ALDH3A2: variants seen among roughly 807,000 people sequenced by gnomAD.
ALDH3A2 encodes the protein aldehyde dehydrogenase family 3 member A2.
In ALDH3A2, 36 loss-of-function variants were observed where a neutral mutation model predicts 51.3. That is an observed-to-expected ratio of 0.70 (90% CI 0.54 to 0.93). ALDH3A2 has a LOEUF of 0.93. Ranked by LOEUF, ALDH3A2 falls within the 40% of genes least tolerant of loss-of-function variation. ALDH3A2 has a pLI of 0.00. For synonymous variants in ALDH3A2, 199 were observed against 219.8 expected (o/e 0.91, Z 0.84); for missense variants, 552 against 603.1 (o/e 0.92, Z 0.89).
At position 19,671,757 on chromosome 17, in the gene ALDH3A2, GT is replaced by G. The variant is rs2085116401; in HGVS notation, c.1248del (p.Phe416LeufsTer12). ...ATGGGAGCTTATCACGGAAAACATA[GT>G]TTTGATACTTTTTCTCATCAGCGTC... ...SGMGAYHGKHSFDTFSHQRPC... is the reference protein window; with the variant it reads ...SGMGAYHGKHXFDTFSHQRPC... On this transcript the variant is annotated frameshift_variant, in exon 9 of 10. Transcript: ENST00000176643. LOFTEE classifies it high-confidence loss of function. 6.2e-7 allele frequency: 1 copy of G among 1,614,038 alleles called. No homozygotes were observed. Among genetic ancestry groups the G allele is most frequent in the Non-Finnish European group, 8.5e-7 (1 of 1,180,028 alleles).
At chr17:19,648,258 C>T (rs1567594821), upstream of ALDH3A2, 1 of 152,428 alleles carries the variant, frequency 6.6e-6, no homozygotes, top group East Asian at 1.9e-4. Context: ...CTCCAGGGAA[C>T]TGGGACGGTC....
At position 19,663,335 on chromosome 17, in the gene ALDH3A2, C is replaced by G. The variant is rs72547571; in HGVS notation, c.943C>G (p.Pro315Ala). 14 of 1,613,726 alleles carry G rather than the reference C, an allele frequency of 8.7e-6. No homozygotes were observed. In the Middle Eastern group the frequency reaches 1.2e-3, roughly 133 times the overall value. Residue 315 changes from proline to alanine, a missense_variant and splice_region_variant, in exon 7 of 10, where the codon CCA becomes GCA. Physicochemically the swap from Pro to Ala is conservative, Grantham distance 27. Transcript: ENST00000176643. ...CATTTTGTTTATTTTCTTTTTAGCC[C>G]CAACAGTACTTACCGATGTTGATCC... ...ETDEATRYIA[P>A]TVLTDVDPKT...
chr17:19,666,820 TAATAA>T (rs956537743), intron 8 of ALDH3A2, among the ~76,000 whole-genome samples: 27 of 148,054 alleles, frequency 1.8e-4, no homozygotes, highest in Non-Finnish European at 2.8e-4. Flanking sequence ...TAAATAAAAA[TAATAA>T]AATAAAACAA....
At chr17:19,662,448 C>T (rs2084978269) in intron 6 of ALDH3A2, among the ~76,000 whole-genome samples, 1 of 152,170 alleles carries the variant, frequency 6.6e-6, no homozygotes, top group South Asian at 2.1e-4. Flanking sequence ...AAAGTGCCAA[C>T]TTGTTATTGT....
Position 19,654,469 on chromosome 17 carries a change from G to A in ALDH3A2, c.471+1837G>A, listed in dbSNP as rs1597553367. Among the ~76,000 whole-genome samples, 1 of 152,238 alleles carries A rather than the reference G, an allele frequency of 6.6e-6. No homozygotes were observed. Among genetic ancestry groups the A allele is most frequent in the Non-Finnish European group, 1.5e-5 (1 of 68,042 alleles). On this transcript the variant is annotated intron_variant, in intron 3 of 9. Coordinates refer to ENST00000176643, the MANE Select transcript of ALDH3A2 (RefSeq NM_000382.3). The surrounding 1 kb of genome is among the most constrained non-coding windows in gnomAD (Gnocchi z 4.5). ...GTCCCGAGCCCTGCCCTGCGGGGAG[G>A]TGGCTGAGGCCCGGCGAGAATTCGA...
chr17:19,652,806 G>T, intron 3 of ALDH3A2, 174 bp downstream of exon 3: 1 of 635,586 alleles, frequency 1.6e-6, no homozygotes, highest in Non-Finnish European at 2.8e-6. Flanking sequence ...AGTGTATTTT[G>T]TGTGGAGTCA....
chr17:19,660,362 C>G (rs2084950993), intron 5 of ALDH3A2, among the ~76,000 whole-genome samples: 1 of 151,798 alleles, frequency 6.6e-6, no homozygotes, highest in African/African-American at 2.4e-5. Flanking sequence ...GCAAGCTGCA[C>G]CAGTGATTCC....
At position 19,672,824 on chromosome 17, in the gene ALDH3A2, C is replaced by T. The variant is rs140826945; in HGVS notation, c.1443+868C>T. On this transcript the variant is annotated intron_variant, in intron 9 of 9. Transcript: ENST00000176643. ...TCGGGAGGCTGAGGCAGGGGAATCA[C>T]GAGGTCAGGAGTTCAAGACCAGCCT... is the stretch of plus-strand genomic sequence containing the variant. 1.7e-4 allele frequency among the ~76,000 whole-genome samples: 26 copies of T among 152,120 alleles called. 2 individuals are homozygous for T. The East Asian group carries it at 1.7e-3, about 10-fold the overall frequency.
chr17:19,670,201 C>T (rs925665426), intron 8 of ALDH3A2, among the ~76,000 whole-genome samples: 5 of 152,078 alleles, frequency 3.3e-5, no homozygotes, highest in African/African-American at 1.2e-4. Context: ...CAAACAAAAC[C>T]TTCCGAAATC....
chr17:19,655,440 G>A (rs1008630818), intron 3 of ALDH3A2: 3 of 152,344 alleles, frequency 2.0e-5, no homozygotes, highest in African/African-American at 7.2e-5. Context: ...GACTCTGTCC[G>A]GATAAGGAGG....
At chr17:19,652,237 T>C (rs937151317) in intron 2 of ALDH3A2, among the ~76,000 whole-genome samples, 8 of 152,130 alleles carry the variant, frequency 5.3e-5, no homozygotes, top group African/African-American at 1.9e-4. Flanking sequence ...TTGAAATGGC[T>C]CACTTGCCCA....
chr17:19,661,860 C>T (rs931433964), intron 6 of ALDH3A2: 4 of 144,094 alleles, frequency 2.8e-5, no homozygotes, highest in Non-Finnish European at 4.5e-5. Flanking sequence ...TGCTATAAGT[C>T]ACCAAAAAAA....
rs143188872 is a variant in ALDH3A2 at position 19,653,394 on chromosome 17, C to T, written c.471+762C>T. Among the ~76,000 whole-genome samples, 78 of 152,252 alleles carry T rather than the reference C, an allele frequency of 5.1e-4. 1 individual carries two copies. The Middle Eastern group carries it at 0.01, about 20-fold the overall frequency. ...CTCACTGACTTCAAGAATGAAGCCG[C>T]GGACCCTTGCAGTGAGTGTTACAGT... is the stretch of plus-strand genomic sequence containing the variant. On this transcript the variant is annotated intron_variant, in intron 3 of 9. Coordinates refer to ENST00000176643, the MANE Select transcript of ALDH3A2 (RefSeq NM_000382.3).
At chr17:19,657,007 C>T (rs1192361953) in intron 4 of ALDH3A2, among the ~76,000 whole-genome samples, 2 of 152,206 alleles carry the variant, frequency 1.3e-5, no homozygotes, top group Non-Finnish European at 2.9e-5. Context: ...CATTTTTTAA[C>T]TGTGAATAAC....
intron 5 of ALDH3A2, 51 bp from the exon 6 acceptor site, chr17:19,661,076 A>G (rs751620402): frequency 6.3e-7 from 1 of 1,579,124 alleles, no homozygotes; most frequent in Admixed American, 1.7e-5. Flanking sequence ...ACTTACTGAA[A>G]TTGAATTGTG....
intron 9 of ALDH3A2, chr17:19,675,346 A>G: frequency 1.7e-6 from 1 of 604,956 alleles, no homozygotes; most frequent in Non-Finnish European, 3.0e-6. Flanking sequence ...TCTTATTGTT[A>G]TTGTTGTTTT....
At chr17:19,674,302 C>G (rs1446917884) in intron 9 of ALDH3A2, 1 of 152,002 alleles carries the variant, frequency 6.6e-6, no homozygotes, top group African/African-American at 2.4e-5. Flanking sequence ...AATATTTTAG[C>G]CTCATGGAAA....
chr17:19,652,577 T>G lies in ALDH3A2; in HGVS notation c.416T>G (p.Leu139Arg), dbSNP rs1163399812. ...GNAVIIKPSE[L>R]SENTAKILAK... The stretch of plus-strand genomic sequence containing the variant: ...GCTGTGATTATAAAGCCTTCTGAAC[T>G]GAGTGAAAATACAGCCAAGATCTTG... Residue 139 changes from leucine to arginine, a missense_variant, in exon 3 of 10, where the codon CTG (leucine) becomes CGG (arginine). Transcript: ENST00000176643. 8 of 1,614,108 alleles carry G rather than the reference T, an allele frequency of 5.0e-6. No homozygotes were observed. The highest frequency in any genetic ancestry group is 6.8e-6 in the Non-Finnish European group (8 of 1,179,928).
At position 19,661,172 on chromosome 17, in the gene ALDH3A2, A is replaced by G. The variant is rs1261801105; in HGVS notation, c.844A>G (p.Ile282Val). 6.2e-7 allele frequency: 1 copy of G among 1,613,112 alleles called. No individual in the cohort carries two copies. The highest frequency in any genetic ancestry group is 1.3e-5 in the African/African-American group (1 of 74,898). Residue 282 changes from isoleucine to valine, a missense_variant, in exon 6 of 10, where the codon ATC (isoleucine) becomes GTC (valine). Ile to Val is a conservative substitution (Grantham distance 29). Coordinates refer to ENST00000176643, the MANE Select transcript of ALDH3A2 (RefSeq NM_000382.3). ...AAAAGAGTCTCCTGATTATGAAAGG[A>G]TCATCAATCTTCGTCATTTTAAGAG... The part of the protein sequence containing the change: ...NIKESPDYER[I>V]INLRHFKRIL...
Sources: allele counts gnomAD v4.1 joint callset (sites outside exome capture counted in the v4.1 genomes callset), GRCh38; gene constraint gnomAD v4.1.1; non-coding constraint Gnocchi (gnomAD v3.1); transcripts MANE v1.5; gene names NCBI Gene and HGNC (gene_info 2026-07-23, HGNC 2026-07-21).